COL18A1: variants seen among roughly 807,000 people sequenced by gnomAD.
COL18A1 encodes collagen type XVIII alpha 1 chain.
Under a neutral mutation model 168.0 loss-of-function variants are expected in COL18A1, and 133 were observed. The ratio of observed to expected loss-of-function variants is 0.79; its 90% CI spans 0.69 to 0.91. The LOEUF (loss-of-function observed/expected upper bound fraction) is 0.91. Ranked by LOEUF, COL18A1 falls within the 40% of genes least tolerant of loss-of-function variation. COL18A1 has a pLI of 0.00. For synonymous variants in COL18A1, 949 were observed against 809.0 expected (o/e 1.17, Z -2.94); for missense variants, 2,126 against 1,925.4 (o/e 1.10, Z -1.95).
In COL18A1 at chr21:45,443,124, G is replaced by GCTGGTGTGGGCGGAGGTC; in HGVS notation, c.107-25105_107-25104insAGGTCCTGGTGTGGGCGG. ...CGGCGGTGCTGGTGTGGGCGGCGGT[G>GCTGGTGTGGGCGGAGGTC]CTGGTGTGGGCGGCGGTGCTGGTGT... On this transcript the variant is annotated intron_variant, in intron 2 of 41. Transcript: ENST00000651438. This position sits in a 1 kb window ranked among gnomAD's most constrained non-coding sequence, Gnocchi z 5.2. 1.3e-5 allele frequency among the ~76,000 whole-genome samples: 1 copy of GCTGGTGTGGGCGGAGGTC among 77,978 alleles called. No individual in the cohort carries two copies. Among genetic ancestry groups the GCTGGTGTGGGCGGAGGTC allele is most frequent in the East Asian group, 3.9e-4 (1 of 2,566 alleles). The allele number at this position is 77,978 out of a possible 152,430, so 51.2% of individuals were successfully genotyped here. A position where few individuals can be genotyped will look rare whatever the true frequency, so the allele number is the denominator to read the frequency against.
At chr21:45,488,302 C>A in intron 17 of COL18A1, 116 bp from the exon 18 acceptor site, 1 of 1,316,102 alleles carries the variant, frequency 7.6e-7, no homozygotes, top group South Asian at 1.2e-5. Context: ...AGTACATTTC[C>A]TTTTACACAC....
intron 37 of COL18A1, chr21:45,506,351 T>G (rs1272491327): frequency 5.6e-6 from 2 of 355,000 alleles, no homozygotes; most frequent in Non-Finnish European, 1.1e-5. Context: ...CGGCCCCGGC[T>G]GGGGGGCAGG....
chr21:45,431,451 A>T, intron 2 of COL18A1, among the ~76,000 whole-genome samples: 3 of 68,444 alleles, frequency 4.4e-5, no homozygotes, highest in East Asian at 5.3e-4. Flanking sequence ...CCGGCGGCCC[A>T]GGGGAGGGGG....
At chr21:45,506,998 T>TTAAAAAA in intron 37 of COL18A1, 2 of 287,544 alleles carry the variant, frequency 7.0e-6, no homozygotes, top group South Asian at 3.2e-5. Context: ...AGCCCCATCC[T>TTAAAAAA]AACTTTCAGG....
At chr21:45,432,095 A>C (rs1437619901) in intron 2 of COL18A1, among the ~76,000 whole-genome samples, 1 of 152,130 alleles carries the variant, frequency 6.6e-6, no homozygotes, top group Non-Finnish European at 1.5e-5. Flanking sequence ...GCCTCCTTCC[A>C]GCACTTTAGA....
intron 2 of COL18A1, among the ~76,000 whole-genome samples, chr21:45,465,047 C>T (rs953603832): frequency 6.6e-6 from 1 of 152,226 alleles, no homozygotes; most frequent in Non-Finnish European, 1.5e-5. Flanking sequence ...CTTTATCCTG[C>T]ATCTCAGGAG....
At chr21:45,496,100 T>TGCCCTCCATGCCCTCCAA (rs1250847313) in intron 29 of COL18A1, 27 of 352,934 alleles carry the variant, frequency 7.7e-5, no homozygotes, top group South Asian at 2.5e-4. Flanking sequence ...ATGCCCTCCA[T>TGCCCTCCATGCCCTCCAA]GCCCTCCATG....
chr21:45,476,591 T>C (rs1211908581), intron 6 of COL18A1, 111 bp downstream of exon 6: 8 of 1,316,968 alleles, frequency 6.1e-6, no homozygotes, highest in East Asian at 2.5e-5. Flanking sequence ...GTGTAGTGTG[T>C]GGTGTATATG....
At chr21:45,495,315 T>C in intron 28 of COL18A1, 43 bp from the exon 29 acceptor site, 1 of 1,523,698 alleles carries the variant, frequency 6.6e-7, no homozygotes, top group Non-Finnish European at 9.0e-7. Context: ...TGTCTGGTAA[T>C]CATCAGTGCC....
At chr21:45,466,372 G>C (rs920324300) in intron 2 of COL18A1, among the ~76,000 whole-genome samples, 1 of 152,194 alleles carries the variant, frequency 6.6e-6, no homozygotes, top group African/African-American at 2.4e-5. Context: ...TCCTGAGGGG[G>C]AAATGGTCTT....
intron 15 of COL18A1, among the ~76,000 whole-genome samples, chr21:45,486,309 T>G (rs2036109234): frequency 7.8e-6 from 1 of 127,812 alleles, no homozygotes; most frequent in Non-Finnish European, 1.6e-5. Context: ...TCCTCTCCTC[T>G]CTCCTCTCTT....
At chr21:45,445,960 A>G (rs1185026243) in intron 2 of COL18A1, among the ~76,000 whole-genome samples, 4 of 152,162 alleles carry the variant, frequency 2.6e-5, no homozygotes, top group South Asian at 2.1e-4. Context: ...ACGAAGTCCA[A>G]TTTATTTTTC....
At chr21:45,485,528 G>A (rs1030935123) in intron 15 of COL18A1, among the ~76,000 whole-genome samples, 7 of 152,048 alleles carry the variant, frequency 4.6e-5, no homozygotes, top group Non-Finnish European at 7.4e-5. Flanking sequence ...TTTTAAAGAC[G>A]ATAAAAGGAT....
chr21:45,438,696 G>C (rs2034288030), intron 2 of COL18A1, among the ~76,000 whole-genome samples: 1 of 152,224 alleles, frequency 6.6e-6, no homozygotes, highest in Non-Finnish European at 1.5e-5. Context: ...GGAGTCCACT[G>C]AGGCTCAGGA....
At chr21:45,438,728 C>T (rs1481052157) in intron 2 of COL18A1, among the ~76,000 whole-genome samples, 2 of 152,258 alleles carry the variant, frequency 1.3e-5, no homozygotes, top group Non-Finnish European at 2.9e-5. Flanking sequence ...GGTGCCAGGG[C>T]CACGCAAGCT....
intron 2 of COL18A1, among the ~76,000 whole-genome samples, chr21:45,415,765 A>G (rs1342085308): frequency 6.6e-6 from 1 of 152,228 alleles, no homozygotes; most frequent in South Asian, 2.1e-4. Flanking sequence ...GGAAAGTGCC[A>G]TCCAGCCCAG....
At chr21:45,414,450 G>A (rs1041588404) in intron 2 of COL18A1, among the ~76,000 whole-genome samples, 2 of 152,240 alleles carry the variant, frequency 1.3e-5, no homozygotes, top group Non-Finnish European at 2.9e-5. Context: ...GACTGAGAAT[G>A]TTGTGGGAGG....
chr21:45,477,372 G>A (rs772118136), intron 6 of COL18A1, 39 bp from the exon 7 acceptor site: 20 of 1,562,812 alleles, frequency 1.3e-5, no homozygotes, highest in African/African-American at 1.2e-4. Context: ...GGGGCCACCC[G>A]GGGGGCGTGA....
rs1008203736 is a variant in COL18A1 at position 45,409,684 on chromosome 21, G to A, written c.106+4211G>A. The stretch of plus-strand genomic sequence containing the variant: ...TGAAGCCCTGCCATCTGGTGCCTGA[G>A]CGCAGACCCTGCTCCACGGCCAGTG... On this transcript the variant is annotated intron_variant, in intron 2 of 41. Coordinates refer to ENST00000651438, the MANE Select transcript of COL18A1 (RefSeq NM_001379500.1). Among the ~76,000 whole-genome samples, 3 of 152,254 alleles carry A rather than the reference G, an allele frequency of 2.0e-5. No homozygotes were observed. The South Asian group carries it at 6.2e-4, about 31-fold the overall frequency.
Sources: gnomAD v4.1 joint callset for allele counts (sites outside exome capture counted in the v4.1 genomes callset) on GRCh38, gnomAD v4.1.1 for gene constraint, Gnocchi (gnomAD v3.1) non-coding constraint, MANE v1.5 for transcripts, NCBI Gene and HGNC (gene_info 2026-07-23, HGNC 2026-07-21) for gene names.